Variants in GPHN observed in about 807,000 individuals in gnomAD.
GPHN encodes gephyrin.
A neutral mutation model predicts 95.5 loss-of-function variants in GPHN; 17 were observed. The observed-to-expected ratio is 0.18, with a 90% CI of 0.12 to 0.27. The LOEUF is 0.27. Among genes scored for constraint, GPHN ranks in the 10% least tolerant of loss-of-function variants. The probability of loss-of-function intolerance (pLI) is 1.00; values close to 1 mark genes in which losing one functional copy is unlikely to be tolerated. For missense variants in GPHN, 660 were observed against 978.1 expected, an observed-to-expected ratio of 0.67 and a Z score of 4.34; for synonymous variants, 320 against 322.5, an observed-to-expected ratio of 0.99 and a Z score of 0.08.
the GPHN span, chr14:67,678,025 T>G: frequency 2.6e-5 from 6 of 229,608 alleles, no homozygotes; most frequent in Non-Finnish European, 1.7e-5. Flanking sequence ...TTCTCCTAGG[T>G]AGTAGTTTCT....
the GPHN span, among the ~76,000 whole-genome samples, chr14:67,494,309 G>A: frequency 1.3e-5 from 2 of 152,164 alleles, 1 homozygote; most frequent in South Asian, 4.1e-4. Context: ...ACATTCATTA[G>A]GACAGCCTCA....
the GPHN span, chr14:67,241,406 T>C: frequency 6.5e-6 from 1 of 154,104 alleles, no homozygotes; most frequent in Non-Finnish European, 1.4e-5. Flanking sequence ...GGACTAAGGA[T>C]TCTGAGGTGG....
the GPHN span, chr14:67,647,082 CTG>C: frequency 9.1e-7 from 1 of 1,104,964 alleles, no homozygotes; most frequent in East Asian, 2.4e-5. Flanking sequence ...CACTTTTAGC[CTG>C]TTTCTTGAGG....
intron 1 of GPHN, among the ~76,000 whole-genome samples, chr14:66,634,956 A>T (rs149572865): frequency 0.013 from 2,033 of 152,290 alleles, 25 homozygotes; most frequent in Middle Eastern, 0.02. Context: ...TCAGTTATGT[A>T]GGTGGACTGG....
chr14:66,567,555 A>G (rs2060512316), intron 1 of GPHN, among the ~76,000 whole-genome samples: 1 of 152,234 alleles, frequency 6.6e-6, no homozygotes, highest in African/African-American at 2.4e-5. Flanking sequence ...AAATGAAAGC[A>G]GCCACTTGGA....
intron 12 of GPHN, among the ~76,000 whole-genome samples, chr14:67,100,080 A>T (rs2077612070): frequency 6.6e-6 from 1 of 150,634 alleles, no homozygotes; most frequent in African/African-American, 2.4e-5. Flanking sequence ...CAATTATGGA[A>T]TTTTTTTTTT....
chr14:67,566,045 GGA>G, the GPHN span, among the ~76,000 whole-genome samples: 1 of 152,210 alleles, frequency 6.6e-6, no homozygotes, highest in African/African-American at 2.4e-5. Context: ...CTTGAACCCA[GGA>G]GGCGAAGGTT....
the GPHN span, among the ~76,000 whole-genome samples, chr14:67,427,420 GC>G: frequency 1.3e-5 from 2 of 152,206 alleles, no homozygotes; most frequent in African/African-American, 4.8e-5. Flanking sequence ...TGGAAATGCG[GC>G]CTTCGGCGGG....
chr14:67,599,865 C>A, the GPHN span, among the ~76,000 whole-genome samples: 1 of 152,212 alleles, frequency 6.6e-6, no homozygotes, highest in East Asian at 1.9e-4. Flanking sequence ...AGCTGTCCAG[C>A]AGCGGAATAT....
chr14:66,738,092 C>T (rs2072458639), intron 2 of GPHN, among the ~76,000 whole-genome samples: 1 of 152,186 alleles, frequency 6.6e-6, no homozygotes, highest in African/African-American at 2.4e-5. Flanking sequence ...CTGAAAAATA[C>T]AGCTGACTTT....
chr14:67,647,137 T>A, the GPHN span: 1 of 713,174 alleles, frequency 1.4e-6, no homozygotes, highest in Non-Finnish European at 2.3e-6. Context: ...AACATACACA[T>A]AATTTTAAAT....
chr14:67,087,182 C>T (rs548439898), intron 11 of GPHN, among the ~76,000 whole-genome samples: 92 of 152,182 alleles, frequency 6.0e-4, no homozygotes, highest in African/African-American at 2.1e-3. Flanking sequence ...GGGCTAGCCA[C>T]CAGAAAAACT....
chr14:66,736,747 G>A (rs17780490), intron 2 of GPHN, among the ~76,000 whole-genome samples: 8,920 of 152,058 alleles, frequency 0.059, 357 homozygotes, highest in Middle Eastern at 0.099. Flanking sequence ...TAATTATAAA[G>A]AAATTTCTGG....
the GPHN span, chr14:67,727,562 G>A: frequency 8.7e-5 from 25 of 288,032 alleles, no homozygotes; most frequent in South Asian, 3.6e-4. Flanking sequence ...GGCTCACTGC[G>A]ACCTCTGCCT....
the GPHN span, among the ~76,000 whole-genome samples, chr14:67,466,836 T>C: frequency 1.5e-4 from 23 of 151,834 alleles, no homozygotes; most frequent in African/African-American, 5.1e-4. Context: ...CTATTAAAAA[T>C]ACAAAATAAT....
At chr14:66,758,487 G>A (rs2058648578) in intron 2 of GPHN, among the ~76,000 whole-genome samples, 1 of 152,182 alleles carries the variant, frequency 6.6e-6, no homozygotes, top group Admixed American at 6.5e-5. Flanking sequence ...GTAAAAGGGA[G>A]CCATCGTTTG....
the GPHN span, among the ~76,000 whole-genome samples, chr14:67,660,650 G>A: frequency 6.6e-6 from 1 of 152,170 alleles, no homozygotes; most frequent in African/African-American, 2.4e-5. Flanking sequence ...GGCCTACCCA[G>A]AGCAGTCTGC....
At chr14:67,004,384 T>C (rs1408848550) in intron 9 of GPHN, among the ~76,000 whole-genome samples, 1 of 151,792 alleles carries the variant, frequency 6.6e-6, no homozygotes, top group Non-Finnish European at 1.5e-5. Context: ...TTAACATCTA[T>C]ACATTGCTAC....
chr14:67,557,187 C>T, the GPHN span: 16 of 1,156,988 alleles, frequency 1.4e-5, no homozygotes, highest in Non-Finnish European at 1.8e-5. Flanking sequence ...GGGCATCAGA[C>T]GGTGTCCCAT....
Sources: allele counts gnomAD v4.1 joint callset (sites outside exome capture counted in the v4.1 genomes callset), GRCh38; gene constraint gnomAD v4.1.1; transcripts MANE v1.5; gene names NCBI Gene and HGNC (gene_info 2026-07-23, HGNC 2026-07-21).